Variants in PNKD observed in about 807,000 individuals in gnomAD.
PNKD encodes PNKD metallo-beta-lactamase domain containing, also known as probable thioesterase PNKD.
A neutral mutation model predicts 45.3 loss-of-function variants in PNKD; 36 were observed. The observed-to-expected ratio is 0.80, with a 90% CI of 0.61 to 1.05. The LOEUF (loss-of-function observed/expected upper bound fraction) is 1.05, where lower values mean the gene tolerates loss of function less well. PNKD is among the 50% of genes least tolerant of loss of function. The pLI is 0.00. For synonymous variants in PNKD, 197 were observed against 210.1 expected (o/e 0.94, Z 0.54); for missense variants, 511 against 506.6 (o/e 1.01, Z -0.08).
intron 2 of PNKD, chr2:218,275,907 G>C (rs1219697744): frequency 3.0e-5 from 37 of 1,229,692 alleles, no homozygotes; most frequent in Non-Finnish European, 4.1e-5. Context: ...AGTAGTGAGA[G>C]GAATGGCCTG....
chr2:218,290,042 G>GT (rs1312287599), intron 2 of PNKD: 1 of 152,102 alleles, frequency 6.6e-6, no homozygotes, highest in Non-Finnish European at 1.5e-5. Flanking sequence ...ATCAGCCCAC[G>GT]TGGGGGAAAG....
intron 2 of PNKD, among the ~76,000 whole-genome samples, chr2:218,316,079 TC>T (rs1241520154): frequency 2.0e-5 from 3 of 152,088 alleles, no homozygotes; most frequent in African/African-American, 7.2e-5. Context: ...ATACCTCGCC[TC>T]CATTGAAGTG....
chr2:218,313,013 C>T (rs944904310), intron 2 of PNKD, among the ~76,000 whole-genome samples: 84 of 151,738 alleles, frequency 5.5e-4, no homozygotes, highest in African/African-American at 1.7e-3. Context: ...GATCTCATAC[C>T]TGGCCCTAGC....
intron 2 of PNKD, chr2:218,272,733 CCT>C: frequency 6.2e-7 from 1 of 1,614,196 alleles, no homozygotes; most frequent in Non-Finnish European, 8.5e-7. Flanking sequence ...TGCCCCGTCC[CCT>C]GATGTTGGGT....
chr2:218,292,265 C>G (rs1692979294), intron 2 of PNKD, among the ~76,000 whole-genome samples: 1 of 152,246 alleles, frequency 6.6e-6, no homozygotes, highest in African/African-American at 2.4e-5. Context: ...CGGCCGCCCA[C>G]CCGCGCGCCC....
chr2:218,342,856 C>T (rs1387247087), intron 7 of PNKD, among the ~76,000 whole-genome samples: 1 of 152,096 alleles, frequency 6.6e-6, no homozygotes, highest in East Asian at 1.9e-4. Context: ...CCCGTCTCTA[C>T]AAAAAATACA....
In PNKD at chr2:218,271,563, A is replaced by C; in HGVS notation, c.236+14A>C. 6.2e-7 allele frequency: 1 copy of C among 1,610,480 alleles called. No homozygotes were observed. Among genetic ancestry groups the C allele is most frequent in the Non-Finnish European group, 8.5e-7 (1 of 1,177,398 alleles). On this transcript the variant is annotated intron_variant, in intron 2 of 9. Transcript: ENST00000273077. ...GGGACTGGCCTGGTGAGTTTTAACC[A>C]CCCCTTTGCCCACCAACGGGGCGTG...
chr2:218,282,097 G>A (rs1260302205), intron 2 of PNKD: 3 of 1,563,742 alleles, frequency 1.9e-6, no homozygotes, highest in Non-Finnish European at 2.6e-6. Context: ...CTGGGTACAG[G>A]GGGTTGCGGT....
At chr2:218,285,028 T>G (rs933466901) in intron 2 of PNKD, among the ~76,000 whole-genome samples, 1 of 152,138 alleles carries the variant, frequency 6.6e-6, no homozygotes, top group African/African-American at 2.4e-5. Context: ...AGGCGGAGAT[T>G]CCAGTGAGCC....
chr2:218,323,465 G>A (rs1277765312), intron 2 of PNKD: 1 of 1,511,862 alleles, frequency 6.6e-7, no homozygotes, highest in Admixed American at 2.1e-5. Context: ...TGCGGGCTCG[G>A]GAGGCGGGCG....
chr2:218,276,124 A>G (rs1438037941), intron 2 of PNKD: 4 of 1,599,040 alleles, frequency 2.5e-6, no homozygotes, highest in Non-Finnish European at 2.6e-6. Flanking sequence ...ACCTCAGCAA[A>G]CCACAGGCCC....
intron 2 of PNKD, among the ~76,000 whole-genome samples, chr2:218,273,588 C>A (rs936452568): frequency 1.3e-5 from 2 of 150,372 alleles, no homozygotes; most frequent in Non-Finnish European, 1.5e-5. Context: ...TCAAGTGATT[C>A]TCCTGCTTCA....
At position 218,326,483 on chromosome 2, in the gene PNKD, A is replaced by G. The variant is rs988473602; in HGVS notation, c.237-13300A>G. ...TTAGTAGCCATGTGACCTTGAACAAATAACTTCTCTGTGCCTTAGTTGTTT... is the reference window on the plus strand; with the variant it reads ...TTAGTAGCCATGTGACCTTGAACAAGTAACTTCTCTGTGCCTTAGTTGTTT... On this transcript the variant is annotated intron_variant, in intron 2 of 9. Transcript: ENST00000273077. This position sits in a 1 kb window ranked among gnomAD's most constrained non-coding sequence, Gnocchi z 4.1. Among the ~76,000 whole-genome samples the G allele has an allele frequency of 2.0e-5, 3 of 152,174 alleles. No homozygotes were observed. Among genetic ancestry groups the G allele is most frequent in the Admixed American group, 2.0e-4 (3 of 15,274 alleles).
intron 2 of PNKD, among the ~76,000 whole-genome samples, chr2:218,305,397 G>A (rs1469073964): frequency 6.6e-6 from 1 of 152,144 alleles, no homozygotes; most frequent in African/African-American, 2.4e-5. Flanking sequence ...TGTCACTCAG[G>A]CTGGAGTGCA....
chr2:218,279,396 T>C lies in PNKD; in HGVS notation c.236+7847T>C, dbSNP rs578043350. The C allele has an allele frequency of 4.0e-6, 6 of 1,500,404 alleles. No homozygotes were observed. The South Asian group carries it at 8.1e-5, about 20-fold the overall frequency. 92.9% of individuals were successfully genotyped at this position (1,500,404 alleles called of 1,614,324 possible). On this transcript the variant is annotated intron_variant, in intron 2 of 9. Transcript: ENST00000273077. The stretch of plus-strand genomic sequence containing the variant: ...GGCATGGGTCACCATCCGGCACCCC[T>C]GGCCTGCCCCAGGAAGCTGCCAGCC...
At chr2:218,292,161 G>A (rs1574668572) in intron 2 of PNKD, among the ~76,000 whole-genome samples, 1 of 152,240 alleles carries the variant, frequency 6.6e-6, no homozygotes, top group Non-Finnish European at 1.5e-5. Flanking sequence ...GTGCCCGAAA[G>A]AGGGAACACG....
chr2:218,332,646 G>C (rs945467113), intron 2 of PNKD, among the ~76,000 whole-genome samples: 1 of 151,980 alleles, frequency 6.6e-6, no homozygotes, highest in Non-Finnish European at 1.5e-5. Flanking sequence ...ATCCAAGCCA[G>C]GCACAGGTCT....
intron 2 of PNKD, among the ~76,000 whole-genome samples, chr2:218,281,329 GT>G (rs1365731118): frequency 6.6e-6 from 1 of 151,840 alleles, no homozygotes; most frequent in Non-Finnish European, 1.5e-5. Flanking sequence ...TGGAGATGGG[GT>G]TTTGCCATGT....
intron 2 of PNKD, among the ~76,000 whole-genome samples, chr2:218,273,647 ATTTT>A (rs10607945): frequency 1.4e-5 from 2 of 143,448 alleles, no homozygotes; most frequent in Non-Finnish European, 3.0e-5. Flanking sequence ...CTCCCAGTTA[ATTTT>A]TTTTTTTTTT....
Sources: gnomAD v4.1 joint callset for allele counts (sites outside exome capture counted in the v4.1 genomes callset) on GRCh38, gnomAD v4.1.1 for gene constraint, Gnocchi (gnomAD v3.1) non-coding constraint, MANE v1.5 for transcripts, NCBI Gene and HGNC (gene_info 2026-07-23, HGNC 2026-07-21) for gene names.